The following SLCO3A1 variants were observed in gnomAD, a reference collection of about 807,000 sequenced individuals.
SLCO3A1 encodes solute carrier organic anion transporter family member 3A1, also known as PGE1 transporter.
A neutral mutation model predicts 63.1 loss-of-function variants in SLCO3A1; 27 were observed. That is an observed-to-expected ratio of 0.43 (90% CI 0.32 to 0.59). The LOEUF (loss-of-function observed/expected upper bound fraction) is 0.59. SLCO3A1 is among the 20% of genes least tolerant of loss of function. The probability of loss-of-function intolerance (pLI) is 0.09; values close to 1 mark genes in which losing one functional copy is unlikely to be tolerated. For synonymous variants in SLCO3A1, 473 were observed against 409.9 expected, an observed-to-expected ratio of 1.15 and a Z score of -1.86; for missense variants, 773 against 945.8, an observed-to-expected ratio of 0.82 and a Z score of 2.40.
At chr15:92,057,310 G>A (rs1222404682) in intron 2 of SLCO3A1, among the ~76,000 whole-genome samples, 1 of 152,176 alleles carries the variant, frequency 6.6e-6, no homozygotes, top group Non-Finnish European at 1.5e-5. Context: ...CTGAGCAAAG[G>A]GATCTCAGGA....
chr15:92,150,884 G>T, intron 8 of SLCO3A1, 66 bp from the exon 9 acceptor site: 1 of 1,136,458 alleles, frequency 8.8e-7, no homozygotes, highest in South Asian at 1.4e-5. Context: ...TGACTCTGGG[G>T]TCTGTTAATT....
At chr15:92,082,578 C>T (rs1003594963) in intron 2 of SLCO3A1, among the ~76,000 whole-genome samples, 2 of 152,180 alleles carry the variant, frequency 1.3e-5, no homozygotes, top group African/African-American at 4.8e-5. Context: ...CAGCCATGCA[C>T]GCCCCCATTC....
Position 91,872,550 on chromosome 15 carries a change from GA to G in SLCO3A1, c.180+18468del. On this transcript the variant is annotated intron_variant, in intron 1 of 9. Coordinates refer to ENST00000318445, the MANE Select transcript of SLCO3A1 (RefSeq NM_013272.4). The surrounding 1 kb of genome is among the most constrained non-coding windows in gnomAD (Gnocchi z 4.1). ...CTCCGTCTCAAAAAAAAAAAGAAAA[GA>G]AAAAAGAAGAAAGAAAGAACGTGCC... Among the ~76,000 whole-genome samples the G allele has an allele frequency of 6.6e-6, 1 of 151,492 alleles. No homozygotes were observed. The highest frequency in any genetic ancestry group is 2.1e-4 in the South Asian group (1 of 4,802).
intron 7 of SLCO3A1, among the ~76,000 whole-genome samples, chr15:92,130,682 T>C (rs2047981770): frequency 6.6e-6 from 1 of 152,130 alleles, no homozygotes; most frequent in South Asian, 2.1e-4. Flanking sequence ...GCCTTCCGTG[T>C]GTCACTCGTG....
chr15:92,131,433 C>T (rs185389156), intron 7 of SLCO3A1, among the ~76,000 whole-genome samples: 6 of 112,190 alleles, frequency 5.3e-5, no homozygotes, highest in Admixed American at 1.7e-4. Flanking sequence ...GGCACAACCT[C>T]GGCTCACTGC....
chr15:92,073,465 C>G (rs968840787), intron 2 of SLCO3A1, among the ~76,000 whole-genome samples: 5 of 152,184 alleles, frequency 3.3e-5, no homozygotes, highest in Admixed American at 1.3e-4. Context: ...TTGTAGGGTT[C>G]AGGTTTTCAT....
At chr15:92,125,325 G>A (rs919237858) in intron 5 of SLCO3A1, among the ~76,000 whole-genome samples, 1 of 152,152 alleles carries the variant, frequency 6.6e-6, no homozygotes, top group Non-Finnish European at 1.5e-5. Flanking sequence ...CAACGCAGGA[G>A]CTTGGAACCC....
At chr15:91,958,167 AC>A (rs2151419271) in intron 2 of SLCO3A1, among the ~76,000 whole-genome samples, 1 of 152,360 alleles carries the variant, frequency 6.6e-6, no homozygotes, top group East Asian at 1.9e-4. Context: ...ATATGTTGAT[AC>A]TAGTCTATGT....
At chr15:92,146,688 C>CTAAT (rs2048228721) in intron 7 of SLCO3A1, among the ~76,000 whole-genome samples, 1 of 152,206 alleles carries the variant, frequency 6.6e-6, no homozygotes, top group Non-Finnish European at 1.5e-5. Flanking sequence ...AATTTCCTCT[C>CTAAT]TAATTGTATT....
chr15:92,009,919 C>T (rs1199347680), intron 2 of SLCO3A1, among the ~76,000 whole-genome samples: 2 of 152,134 alleles, frequency 1.3e-5, no homozygotes, highest in African/African-American at 2.4e-5. Flanking sequence ...TCCAAAGCCC[C>T]GTGCTCATGG....
At chr15:92,128,069 G>C (rs752602642) in intron 6 of SLCO3A1, among the ~76,000 whole-genome samples, 2 of 152,170 alleles carry the variant, frequency 1.3e-5, no homozygotes, top group Non-Finnish European at 2.9e-5. Flanking sequence ...CGCTTCATGA[G>C]AGGGGCTGGA....
rs894605648 is a variant in SLCO3A1 at position 91,950,054 on chromosome 15, G to A, written c.646+33596G>A. ...GGCAGACTGTGATGGATTCTATACG[G>A]AAGAGATAAATGCCCTGCTGTGGAA... On this transcript the variant is annotated intron_variant, in intron 2 of 9. Transcript: ENST00000318445. The surrounding 1 kb of genome is among the most constrained non-coding windows in gnomAD (Gnocchi z 4.4). 1.3e-5 allele frequency among the ~76,000 whole-genome samples: 2 copies of A among 152,172 alleles called. No individual in the cohort carries two copies. Among genetic ancestry groups the A allele is most frequent in the African/African-American group, 4.8e-5 (2 of 41,450 alleles).
intron 2 of SLCO3A1, among the ~76,000 whole-genome samples, chr15:92,009,011 G>A (rs1371596303): frequency 6.6e-6 from 1 of 152,120 alleles, no homozygotes; most frequent in Non-Finnish European, 1.5e-5. Context: ...TAGAGAGAAT[G>A]AAAAATATAT....
chr15:92,154,706 C>T (rs2238347), intron 9 of SLCO3A1, among the ~76,000 whole-genome samples: 37,561 of 151,580 alleles, frequency 0.25, 4,829 homozygotes, highest in East Asian at 0.46. Flanking sequence ...AGGGCCAGGG[C>T]AGGGCTGCAG....
chr15:92,061,189 C>T (rs1006949571), intron 2 of SLCO3A1, among the ~76,000 whole-genome samples: 4 of 152,186 alleles, frequency 2.6e-5, no homozygotes, highest in Non-Finnish European at 4.4e-5. Context: ...ACATAGGTGC[C>T]TAATAAATGA....
intron 2 of SLCO3A1, among the ~76,000 whole-genome samples, chr15:92,091,574 G>A (rs147028620): frequency 4.6e-5 from 7 of 152,286 alleles, no homozygotes; most frequent in South Asian, 2.1e-4. Context: ...GAAGCTGCTC[G>A]TTTCAGTTGT....
chr15:91,972,685 G>A (rs1158407147), intron 2 of SLCO3A1, among the ~76,000 whole-genome samples: 4 of 152,218 alleles, frequency 2.6e-5, no homozygotes, highest in African/African-American at 9.6e-5. Flanking sequence ...AAAGGGTGCT[G>A]CAGTGATGAG....
At chr15:91,877,015 A>G (rs1409318728) in intron 1 of SLCO3A1, among the ~76,000 whole-genome samples, 1 of 152,270 alleles carries the variant, frequency 6.6e-6, no homozygotes, top group Non-Finnish European at 1.5e-5. Context: ...CCTCAATACC[A>G]TAAGTTTCTT....
At position 92,047,551 on chromosome 15, in the gene SLCO3A1, A is replaced by AATAT. The variant is rs1324171673; in HGVS notation, c.647-47326_647-47323dup. 9.9e-4 allele frequency among the ~76,000 whole-genome samples: 10 copies of AATAT among 10,060 alleles called. 1 individual carries two copies. The highest frequency in any genetic ancestry group is 1.2e-3 in the Non-Finnish European group (8 of 6,560). 6.6% of individuals were successfully genotyped at this position (10,060 alleles called of 152,430 possible). On this transcript the variant is annotated intron_variant, in intron 2 of 9. Transcript: ENST00000318445. ...AATATATAAATATATATAATATATA[A>AATAT]ATATATAAATATATATATAAATATA... is the stretch of plus-strand genomic sequence containing the variant.
Sources: allele counts gnomAD v4.1 joint callset (sites outside exome capture counted in the v4.1 genomes callset), GRCh38; gene constraint gnomAD v4.1.1; non-coding constraint Gnocchi (gnomAD v3.1); transcripts MANE v1.5; gene names NCBI Gene and HGNC (gene_info 2026-07-23, HGNC 2026-07-21).